Variants in PHF24 observed in about 807,000 individuals in gnomAD.
The protein encoded by PHF24 is Galpha inhibitory interacting protein.
PHF24 carries 25 observed loss-of-function variants against 42.6 expected under a neutral mutation model. That is an observed-to-expected ratio of 0.59 (90% confidence interval 0.43 to 0.82). The LOEUF (loss-of-function observed/expected upper bound fraction) is 0.82, where lower values mean the gene tolerates loss of function less well. PHF24 is among the 40% of genes least tolerant of loss of function. The pLI is 0.00. For missense variants in PHF24, 470 were observed against 538.1 expected, an observed-to-expected ratio of 0.87 and a Z score of 1.25; for synonymous variants, 185 against 204.8, an observed-to-expected ratio of 0.90 and a Z score of 0.83.
chr9:34,700,385 G>A, the PHF24 span, among the ~76,000 whole-genome samples: 2 of 152,184 alleles, frequency 1.3e-5, no homozygotes, highest in African/African-American at 4.8e-5. Context: ...GAGTTGGTGA[G>A]AAGTGCTCAG....
chr9:34,971,636 A>G, exon 2 of PHF24: 1 of 1,613,604 alleles, frequency 6.2e-7, no homozygotes, highest in Non-Finnish European at 8.5e-7. Flanking sequence ...AAGCTGGATG[A>G]TGACAAACCT....
the PHF24 span, chr9:34,917,141 G>A: frequency 1.0e-6 from 1 of 998,866 alleles, no homozygotes; most frequent in Middle Eastern, 2.3e-4. Flanking sequence ...ACCTTTACCG[G>A]CCCGTCTGCT....
chr9:34,881,039 C>T, the PHF24 span, among the ~76,000 whole-genome samples: 3 of 152,282 alleles, frequency 2.0e-5, no homozygotes, highest in South Asian at 2.1e-4. Flanking sequence ...CAAAGTAGAA[C>T]TTAGGATTAA....
At chr9:34,948,494 T>C in the PHF24 span, among the ~76,000 whole-genome samples, 2 of 152,188 alleles carry the variant, frequency 1.3e-5, no homozygotes, top group African/African-American at 4.8e-5. Flanking sequence ...TTATCTCTTA[T>C]ACCATATTTT....
the PHF24 span, among the ~76,000 whole-genome samples, chr9:34,781,183 T>C: frequency 6.6e-6 from 1 of 152,190 alleles, no homozygotes; most frequent in Non-Finnish European, 1.5e-5. Flanking sequence ...TAAATGTTTA[T>C]AACAGCATAA....
the PHF24 span, among the ~76,000 whole-genome samples, chr9:34,911,921 C>T: frequency 1.3e-5 from 2 of 152,158 alleles, no homozygotes; most frequent in Admixed American, 6.5e-5. Context: ...CTTCCTTTAC[C>T]TACCAATTTC....
chr9:34,761,580 C>G, the PHF24 span, among the ~76,000 whole-genome samples: 1 of 152,134 alleles, frequency 6.6e-6, no homozygotes, highest in Non-Finnish European at 1.5e-5. Flanking sequence ...ATATGGGACA[C>G]TTACTAGAAT....
chr9:34,672,399 A>G, the PHF24 span, among the ~76,000 whole-genome samples: 1 of 152,214 alleles, frequency 6.6e-6, no homozygotes, highest in East Asian at 1.9e-4. Flanking sequence ...TCTAGTGGCC[A>G]TATTTCTTGC....
the PHF24 span, among the ~76,000 whole-genome samples, chr9:34,748,378 C>A: frequency 1.3e-5 from 2 of 152,124 alleles, no homozygotes; most frequent in African/African-American, 4.8e-5. Context: ...GGGCAGATTT[C>A]TCATGAATGG....
chr9:34,909,830 G>T, the PHF24 span, among the ~76,000 whole-genome samples: 2 of 152,096 alleles, frequency 1.3e-5, no homozygotes, highest in South Asian at 4.2e-4. Flanking sequence ...CACTGTGTTA[G>T]CTAGGATGGT....
the PHF24 span, among the ~76,000 whole-genome samples, chr9:34,823,165 C>T: frequency 1.1e-4 from 15 of 136,906 alleles, 1 homozygote; most frequent in South Asian, 3.2e-3. Context: ...CACTGCAGTC[C>T]GCAGTCCGGC....
At chr9:34,952,661 T>C (rs1826291958), upstream of PHF24, among the ~76,000 whole-genome samples, 1 of 152,156 alleles carries the variant, frequency 6.6e-6, no homozygotes, top group Non-Finnish European at 1.5e-5. Context: ...GGCAAAAGGA[T>C]AGAGACATAG....
At chr9:34,971,054 G>C (rs4879844) in intron 1 of PHF24, among the ~76,000 whole-genome samples, 148,677 of 152,194 alleles carry the variant, frequency 0.98, 72,661 homozygotes, top group East Asian at 1. Flanking sequence ...AGTTCAAGAA[G>C]AGCCTGGGCA....
At chr9:34,972,412 G>A in exon 3 of PHF24, 1 of 1,614,064 alleles carries the variant, frequency 6.2e-7, no homozygotes, top group East Asian at 2.2e-5. Context: ...CCCGTGCAGG[G>A]TCTGCACCAG....
chr9:34,683,608 T>C, the PHF24 span, among the ~76,000 whole-genome samples: 1 of 152,348 alleles, frequency 6.6e-6, no homozygotes, highest in Admixed American at 6.5e-5. Flanking sequence ...ACTTCTTGGC[T>C]ACCCTCTGGA....
chr9:34,852,278 A>T, the PHF24 span, among the ~76,000 whole-genome samples: 1 of 152,244 alleles, frequency 6.6e-6, no homozygotes, highest in Admixed American at 6.5e-5. Context: ...TTTGGTCAAC[A>T]GTAGGCTATT....
At chr9:34,682,856 A>T in the PHF24 span, among the ~76,000 whole-genome samples, 1 of 152,102 alleles carries the variant, frequency 6.6e-6, no homozygotes, top group Non-Finnish European at 1.5e-5. Flanking sequence ...GGTGAAAGTG[A>T]TGTCTATTTT....
At chr9:34,666,416 G>A in the PHF24 span, among the ~76,000 whole-genome samples, 2 of 152,126 alleles carry the variant, frequency 1.3e-5, no homozygotes, top group African/African-American at 2.4e-5. Context: ...GGCCGAGGAG[G>A]AATAGGTCCT....
chr9:34,689,555 A>C, the PHF24 span: 1 of 475,370 alleles, frequency 2.1e-6, no homozygotes, highest in Admixed American at 3.7e-5. The surrounding 1 kb of genome is among the most constrained non-coding windows in gnomAD (Gnocchi z 4.1). Flanking sequence ...GAAATCTGTA[A>C]CAGGTTGTGA....
Sources: allele counts gnomAD v4.1 joint callset (sites outside exome capture counted in the v4.1 genomes callset), GRCh38; gene constraint gnomAD v4.1.1; non-coding constraint Gnocchi (gnomAD v3.1); transcripts MANE v1.5; gene names NCBI Gene and HGNC (gene_info 2026-07-23, HGNC 2026-07-21).